The following EML3 variants were observed in gnomAD, a reference collection of about 807,000 sequenced individuals.
EML3 encodes the protein echinoderm microtubule-associated protein-like 3.
EML3 carries 53 observed loss-of-function variants against 106.7 expected under a neutral mutation model. The observed-to-expected ratio is 0.50, with a 90% CI of 0.40 to 0.62. The LOEUF (loss-of-function observed/expected upper bound fraction) is 0.62. Among genes scored for constraint, EML3 ranks in the 20% least tolerant of loss-of-function variants. The pLI, the probability that EML3 is intolerant of heterozygous loss-of-function variation, is 0.00. For synonymous variants in EML3, 499 were observed against 489.6 expected (o/e 1.02, Z -0.25); for missense variants, 994 against 1,209.1 (o/e 0.82, Z 2.64).
At chr11:62,611,376 C>T (rs1942815534) in intron 2 of EML3, 32 bp from the exon 3 acceptor site, 1 of 1,613,392 alleles carries the variant, frequency 6.2e-7, no homozygotes, top group South Asian at 1.1e-5. Flanking sequence ...AACCTGAAGC[C>T]CCAGAGGCCC....
Position 62,610,966 on chromosome 11 carries a change from G to C in EML3, c.479C>G (p.Ser160Ter). ...CTGCCGAGGCCGCTCTGAGGGGGATGAGGAGGAGGAAGAATTTCTTCGCGG... is the reference window on the plus strand; with the variant it reads ...CTGCCGAGGCCGCTCTGAGGGGGATCAGGAGGAGGAAGAATTTCTTCGCGG... ...DTPRRNSSSS[S>*]SPSERPRQKL... Residue 160 changes from serine to a stop codon, truncating the protein, a stop_gained, in exon 4 of 22, where the codon TCA (serine) becomes TGA (stop). Coordinates refer to ENST00000394773, the MANE Select transcript of EML3 (RefSeq NM_153265.3). LOFTEE classifies it high-confidence loss of function. The C allele has an allele frequency of 1.2e-6, 2 of 1,613,802 alleles. No individual in the cohort carries two copies. Among genetic ancestry groups the C allele is most frequent in the Non-Finnish European group, 1.7e-6 (2 of 1,179,964 alleles).
intron 18 of EML3, 25 bp downstream of exon 18, chr11:62,603,919 C>T: frequency 6.2e-7 from 1 of 1,613,658 alleles, no homozygotes; most frequent in Non-Finnish European, 8.5e-7. Flanking sequence ...TTATCATGCC[C>T]CACCACACAC....
At chr11:62,608,488 A>T in intron 9 of EML3, 54 bp downstream of exon 9, 1 of 1,551,342 alleles carries the variant, frequency 6.4e-7, no homozygotes, top group South Asian at 1.1e-5. Flanking sequence ...GTGACATGCA[A>T]GAGTGGGGTT....
At position 62,612,678 on chromosome 11, in the gene EML3, CG is replaced by C; in HGVS notation, c.-222del. On this transcript the variant is annotated 5_prime_UTR_variant, in exon 1 of 22. Transcript: ENST00000394773. ...ACCCCCCCGGGCCCTCGGACTCTCC[CG>C]GGGCCGCTCTCGGCTCCCGGGGGTG... 2.9e-6 allele frequency: 1 copy of C among 349,258 alleles called. No homozygotes were observed. The highest frequency in any genetic ancestry group is 5.1e-6 in the Non-Finnish European group (1 of 197,742). The allele number at this position is 349,258 out of a possible 1,614,324, so 21.6% of individuals were successfully genotyped here.
chr11:62,608,872 C>T, intron 7 of EML3, 67 bp from the exon 8 acceptor site: 1 of 1,577,870 alleles, frequency 6.3e-7, no homozygotes, highest in Non-Finnish European at 8.6e-7. Context: ...CTTCTCCAAG[C>T]TTGCAGAGCA....
At chr11:62,608,927 C>G (rs1298923853) in intron 7 of EML3, 35 bp downstream of exon 7, 7 of 1,609,892 alleles carry the variant, frequency 4.3e-6, no homozygotes, top group African/African-American at 1.3e-5. Context: ...CCCAGACCCT[C>G]TTCCTGCCAA....
At position 62,604,101 on chromosome 11, in the gene EML3, G is replaced by C. The variant is rs1268673527; in HGVS notation, c.2071+12C>G. ...GGGACGCATGTGAGTCCAGGGTTGG[G>C]GTGGCTCCCACCTGGGCTGTACCGG... On this transcript the variant is annotated intron_variant, in intron 17 of 21. Transcript: ENST00000394773. The C allele has an allele frequency of 1.2e-6, 2 of 1,614,044 alleles. No individual in the cohort carries two copies. Among genetic ancestry groups the C allele is most frequent in the Non-Finnish European group, 1.7e-6 (2 of 1,180,002 alleles).
In EML3 at chr11:62,605,152, G is replaced by C. The variant is rs751346477; in HGVS notation, c.1943C>G (p.Pro648Arg). 3 of 1,612,858 alleles carry C rather than the reference G, an allele frequency of 1.9e-6. No homozygotes were observed. In the Admixed American group the frequency reaches 5.0e-5, roughly 27 times the overall value. ...TCCTACGGCCACAACTGCCCCACTC[G>C]GGTGGAAGTCAGCACAGAGACCAGT... ...KETGLCADFH[P>R]SGAVVAVGLN... Residue 648 changes from proline to arginine, a missense_variant, in exon 16 of 22, where the codon CCG becomes CGG. Physicochemically the swap from Pro to Arg is moderately radical, Grantham distance 103. Around this residue, in one of 3 missense-constraint regions of EML3, gnomAD observed 713 missense variants for 920.5 expected, o/e 0.77. Coordinates refer to ENST00000394773, the MANE Select transcript of EML3 (RefSeq NM_153265.3). This position sits in a 1 kb window ranked among gnomAD's most constrained non-coding sequence, Gnocchi z 5.2.
Position 62,605,847 on chromosome 11 carries a change from C to T in EML3, c.1782+8G>A, listed in dbSNP as rs940102041. On this transcript the variant is annotated splice_region_variant and intron_variant, in intron 14 of 21. Transcript: ENST00000394773. This position sits in a 1 kb window ranked among gnomAD's most constrained non-coding sequence, Gnocchi z 5.2. Reference sequence around the variant, plus strand: ...GTCCCTTCCTCCCCTGAGCCCTTAACCCCCAACCTGGATTACAGGGGAGAA... The same window carrying T: ...GTCCCTTCCTCCCCTGAGCCCTTAATCCCCAACCTGGATTACAGGGGAGAA... The T allele has an allele frequency of 1.2e-6, 2 of 1,613,790 alleles. No individual in the cohort carries two copies. Among genetic ancestry groups the T allele is most frequent in the Non-Finnish European group, 1.7e-6 (2 of 1,179,878 alleles).
Position 62,611,322 on chromosome 11 carries a change from G to A in EML3, c.217C>T (p.Pro73Ser). 1 of 1,612,948 alleles carries A rather than the reference G, an allele frequency of 6.2e-7. No homozygotes were observed. The highest frequency in any genetic ancestry group is 8.5e-7 in the Non-Finnish European group (1 of 1,179,832). Reference protein sequence around the residue: ...GDSLAAPPGLPPTCTPSLVSR... With the variant: ...GDSLAAPPGLSPTCTPSLVSR... The stretch of plus-strand genomic sequence containing the variant: ...ACCAAGGAAGGGGTGCACGTGGGTG[G>A]CAGTCCTGGGGGGGCTGCAAGACTG... Residue 73 changes from proline (P) to serine (S), a missense_variant, in exon 3 of 22, where the codon CCA (proline) becomes TCA (serine). Physicochemically the swap from Pro to Ser is moderately conservative, Grantham distance 74. Transcript: ENST00000394773.
At chr11:62,604,786 A>G (rs1042860551) in intron 16 of EML3, 17 of 221,358 alleles carry the variant, frequency 7.7e-5, no homozygotes, top group Non-Finnish European at 1.4e-4. Flanking sequence ...CCAGGGGCCG[A>G]CTACAAAGGC....
In EML3 at chr11:62,602,448, G is replaced by A. The variant is rs1047866726; in HGVS notation, c.*27C>T. 1.3e-5 allele frequency: 20 copies of A among 1,544,578 alleles called. No individual in the cohort carries two copies. In the East Asian group the frequency reaches 3.2e-4, roughly 25 times the overall value. On this transcript the variant is annotated 3_prime_UTR_variant, in exon 22 of 22. Transcript: ENST00000394773. ...CAGGGCGGGGCGGGGCCACGCCGCC[G>A]GGCCAGTCGGTCCCGCCAGGCAGCG...
intron 16 of EML3, 42 bp from the exon 17 acceptor site, chr11:62,604,243 G>A (rs1417293121): frequency 6.2e-7 from 1 of 1,602,650 alleles, no homozygotes; most frequent in Non-Finnish European, 8.5e-7. Context: ...AGACGAAAAG[G>A]CAGGATGTAA....
At position 62,603,177 on chromosome 11, in the gene EML3, G is replaced by A; in HGVS notation, c.2328C>T (p.Tyr776=). Residue 776 remains tyrosine (Y), a synonymous_variant, in exon 20 of 22, where the codon TAC becomes TAT. Coordinates refer to ENST00000394773, the MANE Select transcript of EML3 (RefSeq NM_153265.3). ...AGACGTGAAAGCCCAGCACACAGGT[G>A]TAGGTAGCCCATTCCCGGTCTCGGC... is the stretch of plus-strand genomic sequence containing the variant. ...YESRDREWAT[Y]TCVLGFHVYG... is the part of the protein sequence containing the mutation. 1 of 1,614,096 alleles carries A rather than the reference G, an allele frequency of 6.2e-7. No homozygotes were observed. The highest frequency in any genetic ancestry group is 8.5e-7 in the Non-Finnish European group (1 of 1,180,036).
rs1757246952 is a variant in EML3 at position 62,608,485 on chromosome 11, G to GC, written c.1110+56dup. ...AACTTCCAAGGCTTCCTGGTGACATGCAAGAGTGGGGTTCCTAGGCAAGAA... is the reference window on the plus strand; with the variant it reads ...AACTTCCAAGGCTTCCTGGTGACATGCCAAGAGTGGGGTTCCTAGGCAAGAA... On this transcript the variant is annotated intron_variant, in intron 9 of 21. Coordinates refer to ENST00000394773, the MANE Select transcript of EML3 (RefSeq NM_153265.3). 1.9e-6 allele frequency: 3 copies of GC among 1,542,032 alleles called. No individual in the cohort carries two copies. In the Admixed American group the frequency reaches 5.0e-5, roughly 26 times the overall value.
In EML3 at chr11:62,603,881, T is replaced by C. The variant is rs111813565; in HGVS notation, c.2169+63A>G. 320 of 1,611,420 alleles carry C rather than the reference T, an allele frequency of 2.0e-4. No homozygotes were observed. The African/African-American group carries it at 3.6e-3, about 18-fold the overall frequency. On this transcript the variant is annotated intron_variant, in intron 18 of 21. Coordinates refer to ENST00000394773, the MANE Select transcript of EML3 (RefSeq NM_153265.3). ...TTTCCCATCCCCAGAGCCCCCTTGA[T>C]GCATCAGACCCCTGAGTTTCGCAGC...
At chr11:62,610,101 G>A (rs553573755) in intron 4 of EML3, among the ~76,000 whole-genome samples, 117 of 152,302 alleles carry the variant, frequency 7.7e-4, no homozygotes, top group African/African-American at 2.6e-3. Flanking sequence ...GGGATTACAC[G>A]TGCGCGCCAC....
In EML3 at chr11:62,606,162, G is replaced by A. The variant is rs774254864; in HGVS notation, c.1557C>T (p.Ala519=). 6.2e-6 allele frequency: 10 copies of A among 1,613,960 alleles called. No individual in the cohort carries two copies. The Admixed American group carries it at 1.0e-4, about 16-fold the overall frequency. Residue 519 remains alanine (A), a synonymous_variant, in exon 13 of 22, where the codon GCC becomes GCT. Transcript: ENST00000394773. ...CTGTCCCGTCCCTCCGGAGACACAA[G>A]GCGAAGATAGAACCTTCATGAGCGT... is the stretch of plus-strand genomic sequence containing the variant. ...QAHAHEGSIF[A]LCLRRDGTVL... is the part of the protein sequence containing the mutation.
intron 20 of EML3, 39 bp downstream of exon 20, chr11:62,603,110 T>A (rs781437831): frequency 2.5e-6 from 4 of 1,607,798 alleles, no homozygotes; most frequent in Non-Finnish European, 2.6e-6. Flanking sequence ...CTCCACCTTG[T>A]CCCCCACCCT....
Sources: gnomAD v4.1 joint callset for allele counts (sites outside exome capture counted in the v4.1 genomes callset) on GRCh38, gnomAD v4.1.1 for gene constraint, gnomAD v4.1.1 regional missense constraint, Gnocchi (gnomAD v3.1) non-coding constraint, MANE v1.5 for transcripts, NCBI Gene and HGNC (gene_info 2026-07-23, HGNC 2026-07-21) for gene names.